Variants in NEU4 observed in about 807,000 individuals in gnomAD.
NEU4 encodes the protein neuraminidase 4.
Under a neutral mutation model 9.9 loss-of-function variants are expected in NEU4, and 7 were observed. The ratio of observed to expected loss-of-function variants is 0.71; its 90% confidence interval spans 0.40 to 1.33. The LOEUF (loss-of-function observed/expected upper bound fraction) is 1.33, where lower values mean the gene tolerates loss of function less well. NEU4 is among the 40% of genes most tolerant of loss of function. The probability of loss-of-function intolerance (pLI) is 0.01; values close to 1 mark genes in which losing one functional copy is unlikely to be tolerated. For synonymous variants in NEU4, 348 were observed against 316.9 expected (o/e 1.10, Z -1.04); for missense variants, 717 against 712.6 (o/e 1.01, Z -0.07).
chr2:241,815,794 GCTCT>G (rs1173424210), intron 3 of NEU4: 6 of 591,046 alleles, frequency 1.0e-5, no homozygotes, highest in South Asian at 4.0e-5. Flanking sequence ...CCTGCCCTCC[GCTCT>G]CTCTGTGTGG....
Position 241,816,072 on chromosome 2 carries a change from G to A in NEU4, c.479G>A (p.Gly160Asp), listed in dbSNP as rs1011497558. ...GCAGACTGGGCCACATTCGCTGTGG[G>A]TCCCGGCCACGGTGTGCAGCTGCCC... ...AVQDWATFAVGPGHGVQLPSG... is the reference protein window; with the variant it reads ...AVQDWATFAVDPGHGVQLPSG... The change falls in exon 4 of 4, where the codon GGT becomes GAT. Residue 160 changes from glycine to aspartate, a missense_variant. Coordinates refer to ENST00000407683, the MANE Select transcript of NEU4 (RefSeq NM_001167600.3). 16 of 1,607,858 alleles carry A rather than the reference G, an allele frequency of 1.0e-5. No homozygotes were observed. Among genetic ancestry groups the A allele is most frequent in the Non-Finnish European group, 1.4e-5 (16 of 1,177,896 alleles).
chr2:241,813,459 G>A (rs1305853214), intron 1 of NEU4: 28 of 1,155,078 alleles, frequency 2.4e-5, no homozygotes, highest in South Asian at 3.4e-5. Context: ...CGGGCTGTGC[G>A]TGCTCACGCT....
Position 241,816,124 on chromosome 2 carries a change from C to T in NEU4, c.531C>T (p.Tyr177=). ...CAGGCCGCCTGCTGGTACCCGCCTA[C>T]ACCTACCGCGTGGACCGCCGAGAGT... The part of the protein sequence containing the change: ...LPSGRLLVPA[Y]TYRVDRRECF... Residue 177 remains tyrosine (Y), a synonymous_variant, in exon 4 of 4, where the codon TAC becomes TAT. Transcript: ENST00000407683. 1 of 1,611,946 alleles carries T rather than the reference C, an allele frequency of 6.2e-7. No homozygotes were observed. The highest frequency in any genetic ancestry group is 8.5e-7 in the Non-Finnish European group (1 of 1,179,660).
intron 1 of NEU4, among the ~76,000 whole-genome samples, chr2:241,812,485 G>GAGGACACGGAGGCTCTGTGGAA (rs1700153778): frequency 1.4e-4 from 3 of 21,488 alleles, no homozygotes; most frequent in African/African-American, 3.9e-4. Context: ...AGAGGGGCCT[G>GAGGACACGGAGGCTCTGTGGAA]CCGAGGACAC....
rs1345827112 is a variant in NEU4, at chr2:241,817,008, A to T, written c.1415A>T (p.Asn472Ile). ...GTGCCCGCCAGCCCCAAACCGCCCA[A>T]CCTTGGGGACAAGCCTCGGGGGTGC... ...ENVPASPKPP[N>I]LGDKPRGCCW... The change falls in exon 4 of 4, where the codon AAC becomes ATC. Residue 472 changes from asparagine to isoleucine, a missense_variant. By Grantham distance (149) the Asn-to-Ile change is moderately radical. Transcript: ENST00000407683. 6.2e-7 allele frequency: 1 copy of T among 1,606,560 alleles called. No individual in the cohort carries two copies. The highest frequency in any genetic ancestry group is 1.7e-5 in the Admixed American group (1 of 59,432).
chr2:241,811,326 T>C (rs1255323072), intron 1 of NEU4: 8 of 1,355,926 alleles, frequency 5.9e-6, no homozygotes, highest in Admixed American at 2.9e-5. Context: ...ACCGTGGGAG[T>C]GTCCAGGGTC....
At chr2:241,814,831 G>C in intron 2 of NEU4, 61 bp from the exon 3 acceptor site, 1 of 1,565,914 alleles carries the variant, frequency 6.4e-7, no homozygotes, top group Non-Finnish European at 8.7e-7. Flanking sequence ...TGGGTGCCCT[G>C]CGGGGGGCTG....
intron 1 of NEU4, chr2:241,811,355 G>T (rs1002466182): frequency 1.4e-6 from 2 of 1,453,794 alleles, no homozygotes; most frequent in Non-Finnish European, 1.8e-6. Context: ...GCCCTGAGAC[G>T]TGGCCAGCTC....
chr2:241,814,746 C>T, intron 2 of NEU4, 61 bp downstream of exon 2: 3 of 1,508,656 alleles, frequency 2.0e-6, no homozygotes, highest in Non-Finnish European at 2.7e-6. Context: ...GGGCTGCACA[C>T]CCCGGGATGG....
Position 241,816,801 on chromosome 2 carries a change from C to T in NEU4, c.1208C>T (p.Pro403Leu), listed in dbSNP as rs201343621. 57 of 1,602,812 alleles carry T rather than the reference C, an allele frequency of 3.6e-5. No individual in the cohort carries two copies. In the East Asian group the frequency reaches 5.6e-4, roughly 16 times the overall value. Residue 403 changes from proline to leucine, a missense_variant, in exon 4 of 4, where the codon CCG (proline) becomes CTG (leucine). Transcript: ENST00000407683. The part of the protein sequence containing the change: ...GIRLSQSPLD[P>L]RSWTEPWVIY... ...CGCCTGAGCCAGTCCCCGCTGGACCCGCGCAGCTGGACAGAGCCCTGGGTG... is the reference window on the plus strand; with the variant it reads ...CGCCTGAGCCAGTCCCCGCTGGACCTGCGCAGCTGGACAGAGCCCTGGGTG...
chr2:241,809,417 A>G (rs1245125632), intron 1 of NEU4, 143 bp downstream of exon 1: 2 of 405,102 alleles, frequency 4.9e-6, no homozygotes, highest in African/African-American at 2.1e-5. Context: ...CGTGCAGCCC[A>G]TAAAAGGGGG....
Position 241,817,029 on chromosome 2 carries a change from G to C in NEU4, c.1436G>C (p.Gly479Ala). 1 of 1,595,996 alleles carries C rather than the reference G, an allele frequency of 6.3e-7. No homozygotes were observed. Among genetic ancestry groups the C allele is most frequent in the Non-Finnish European group, 8.5e-7 (1 of 1,171,966 alleles). Residue 479 changes from glycine (G) to alanine (A), a missense_variant, in exon 4 of 4, where the codon GGG (glycine) becomes GCG (alanine). Gly to Ala is a moderately conservative substitution (Grantham distance 60). Coordinates refer to ENST00000407683, the MANE Select transcript of NEU4 (RefSeq NM_001167600.3). Reference sequence around the variant, plus strand: ...CCCAACCTTGGGGACAAGCCTCGGGGGTGCTGCTGGCCCTCCTGACAGGCC... The same window carrying C: ...CCCAACCTTGGGGACAAGCCTCGGGCGTGCTGCTGGCCCTCCTGACAGGCC... Reference protein sequence around the residue: ...KPPNLGDKPRGCCWPS With the variant: ...KPPNLGDKPRACCWPS
chr2:241,811,636 G>T, intron 1 of NEU4: 1 of 451,916 alleles, frequency 2.2e-6, no homozygotes, highest in Non-Finnish European at 3.7e-6. Flanking sequence ...AACAAGGGGC[G>T]GGCTGCAGGG....
At chr2:241,814,088 C>T (rs994280674) in intron 1 of NEU4, 8 of 520,580 alleles carry the variant, frequency 1.5e-5, no homozygotes, top group African/African-American at 1.5e-4. Context: ...TCATTGTCCA[C>T]ATGACCTCCT....
intron 1 of NEU4, chr2:241,811,028 C>T: frequency 1.9e-6 from 2 of 1,061,914 alleles, no homozygotes; most frequent in Non-Finnish European, 2.3e-6. Context: ...AGGGGAGGCC[C>T]CGCACCCGGG....
intron 1 of NEU4, chr2:241,811,036 G>A (rs561057112): frequency 1.5e-4 from 161 of 1,075,736 alleles, no homozygotes; most frequent in African/African-American, 1.3e-3. Context: ...CCCCGCACCC[G>A]GGAAGCCCAG....
Position 241,812,327 on chromosome 2 carries a change from C to T in NEU4, c.-3-2155C>T, listed in dbSNP as rs373080464. 2.0e-5 allele frequency among the ~76,000 whole-genome samples: 3 copies of T among 152,210 alleles called. No homozygotes were observed. In the East Asian group the frequency reaches 5.8e-4, roughly 29 times the overall value. The stretch of plus-strand genomic sequence containing the variant: ...TCCCATCTCCCCTGGGCCTCGGTTT[C>T]CCCTTCTGTGACTCCACACCCCCAA... On this transcript the variant is annotated intron_variant, in intron 1 of 3. Transcript: ENST00000407683.
chr2:241,811,370 G>C, intron 1 of NEU4: 3 of 1,475,782 alleles, frequency 2.0e-6, no homozygotes, highest in Non-Finnish European at 2.7e-6. Context: ...CAGCTCCCTG[G>C]CCTGCTGCCC....
At chr2:241,814,165 G>GT in intron 1 of NEU4, 1 of 653,084 alleles carries the variant, frequency 1.5e-6, no homozygotes, top group South Asian at 1.5e-5. Context: ...GGGGCTCTCT[G>GT]GCCAGCCTCC....
Sources: allele counts gnomAD v4.1 joint callset (sites outside exome capture counted in the v4.1 genomes callset), GRCh38; gene constraint gnomAD v4.1.1; transcripts MANE v1.5; gene names NCBI Gene and HGNC (gene_info 2026-07-23, HGNC 2026-07-21).